MRGPRG: variants seen among roughly 807,000 people sequenced by gnomAD.
MRGPRG encodes mas-related G protein-coupled receptor member G.
For synonymous variants in MRGPRG, 216 were observed against 206.7 expected (o/e 1.05, Z -0.39); for missense variants, 395 against 394.7 (o/e 1.00, Z -0.01).
Position 3,218,343 on chromosome 11 carries a change from C to T in MRGPRG, c.471G>A (p.Pro157=). 1 of 1,456,988 alleles carries T rather than the reference C, an allele frequency of 6.9e-7. No homozygotes were observed. The highest frequency in any genetic ancestry group is 9.0e-7 in the Non-Finnish European group (1 of 1,106,260). The allele number at this position is 1,456,988 out of a possible 1,614,324, so 90.3% of individuals were successfully genotyped here. ...LRNSACPLVC[P]RYHVASVTWF... ...AGGTGACGCTGGCCACGTGGTAGCG[C>T]GGGCAGACCAGGGGGCACGCGCTGT... The change falls in exon 1 of 1, where the codon CCG becomes CCA. Residue 157 remains proline, a synonymous_variant. Coordinates refer to ENST00000332314, the MANE Select transcript of MRGPRG (RefSeq NM_001164377.1).
rs1367747080 is a variant in MRGPRG at position 3,218,095 on chromosome 11, C to G, written c.719G>C (p.Cys240Ser). The change falls in exon 1 of 1, where the codon TGC (cysteine) becomes TCC (serine). Residue 240 changes from cysteine to serine, a missense_variant. Coordinates refer to ENST00000332314, the MANE Select transcript of MRGPRG (RefSeq NM_001164377.1). ...GAGGGGCTTGGAGCTGCTGTTGACG[C>G]AGGCCAGCAGCGTGGCCAGCGGGGA... is the stretch of plus-strand genomic sequence containing the variant. Reference protein sequence around the residue: ...VFSPLATLLACVNSSSKPLIY... With the variant: ...VFSPLATLLASVNSSSKPLIY... 1 of 1,544,940 alleles carries G rather than the reference C, an allele frequency of 6.5e-7. No individual in the cohort carries two copies. The highest frequency in any genetic ancestry group is 2.0e-5 in the Admixed American group (1 of 50,818).
At chr11:3,218,316 C>T in the MRGPRG span, 1 of 1,454,888 alleles carries the variant, frequency 6.9e-7, no homozygotes, top group Non-Finnish European at 9.1e-7. Flanking sequence ...GCACCAGGAA[C>T]CAGGTGACGC....
chr11:3,218,408 C>A lies in MRGPRG; in HGVS notation c.406G>T (p.Ala136Ser). 1 of 1,515,716 alleles carries A rather than the reference C, an allele frequency of 6.6e-7. No individual in the cohort carries two copies. The allele number at this position is 1,515,716 out of a possible 1,614,324, so 93.9% of individuals were successfully genotyped here. ...CALVWTPTLP[A>S]VPLPANACGL... ...CAGGCGTTGGCGGGCAGCGGCACGG[C>A]CGGCAGGGTCGGGGTCCACACCAGG... Residue 136 changes from alanine to serine, a missense_variant, in exon 1 of 1, where the codon GCC becomes TCC. Ala to Ser is a moderately conservative substitution (Grantham distance 99). Transcript: ENST00000332314.
At position 3,218,234 on chromosome 11, in the gene MRGPRG, G is replaced by C; in HGVS notation, c.580C>G (p.Pro194Ala). 6.6e-7 allele frequency: 1 copy of C among 1,505,628 alleles called. No individual in the cohort carries two copies. Among genetic ancestry groups the C allele is most frequent in the East Asian group, 2.5e-5 (1 of 40,324 alleles). 93.3% of individuals were successfully genotyped at this position (1,505,628 alleles called of 1,614,324 possible). A position where few individuals can be genotyped will look rare whatever the true frequency, so the allele number is the denominator to read the frequency against. ...CCCAGGACGATGCCGTAGAGCCTGG[G>C]CCGCGGGCGAGTGGAGCAGCAGGTC... ...WVTCCSTRPR[P>A]RLYGIVLGAL... Residue 194 changes from proline (P) to alanine (A), a missense_variant, in exon 1 of 1, where the codon CCC (proline) becomes GCC (alanine). Physicochemically the swap from Pro to Ala is conservative, Grantham distance 27. Coordinates refer to ENST00000332314, the MANE Select transcript of MRGPRG (RefSeq NM_001164377.1).
rs1847647548 is a variant in MRGPRG, at chr11:3,218,420, G to A, written c.394C>T (p.Pro132Ser). The A allele has an allele frequency of 6.5e-7, 1 of 1,530,276 alleles. No homozygotes were observed. Among genetic ancestry groups the A allele is most frequent in the Admixed American group, 2.0e-5 (1 of 49,772 alleles). 94.8% of individuals were successfully genotyped at this position (1,530,276 alleles called of 1,614,324 possible). A position where few individuals can be genotyped will look rare whatever the true frequency, so the allele number is the denominator to read the frequency against. Residue 132 changes from proline (P) to serine (S), a missense_variant, in exon 1 of 1, where the codon CCG (proline) becomes TCG (serine). Pro to Ser is a moderately conservative substitution (Grantham distance 74). Coordinates refer to ENST00000332314, the MANE Select transcript of MRGPRG (RefSeq NM_001164377.1). The stretch of plus-strand genomic sequence containing the variant: ...GGCAGCGGCACGGCCGGCAGGGTCG[G>A]GGTCCACACCAGGGCGCAGAGGACG... The part of the protein sequence containing the change: ...SAVLCALVWT[P>S]TLPAVPLPAN...
chr11:3,218,598 A>C lies in MRGPRG; in HGVS notation c.216T>G (p.Ala72=). The C allele has an allele frequency of 6.5e-7, 1 of 1,545,836 alleles. No individual in the cohort carries two copies. Among genetic ancestry groups the C allele is most frequent in the Non-Finnish European group, 8.7e-7 (1 of 1,143,838 alleles). Residue 72 remains alanine, a synonymous_variant, in exon 1 of 1, where the codon GCT becomes GCG. Coordinates refer to ENST00000332314, the MANE Select transcript of MRGPRG (RefSeq NM_001164377.1). ...SCRVGFSVAQ[A]ALGAQDTLYF... ...AGAGTGTGTCCTGGGCGCCCAGGGC[A>C]GCCTGAGCCACGGAGAAGCCCACAC...
the MRGPRG span, chr11:3,217,995 CT>C: frequency 6.6e-7 from 1 of 1,522,944 alleles, no homozygotes; most frequent in Non-Finnish European, 8.9e-7. The surrounding 1 kb of genome is among the most constrained non-coding windows in gnomAD (Gnocchi z 6.5). Context: ...GCTCGGCGCC[CT>C]CCCCCAGGGC....
At position 3,218,264 on chromosome 11, in the gene MRGPRG, A is replaced by G; in HGVS notation, c.550T>C (p.Trp184Arg). ...GGGCGAGTGGAGCAGCAGGTCACCC[A>G]GACAAAGAGGACCACGCCAGCCGTC... The part of the protein sequence containing the change: ...AWTAGVVLFV[W>R]VTCCSTRPRP... Residue 184 changes from tryptophan (W) to arginine (R), a missense_variant, in exon 1 of 1, where the codon TGG becomes CGG. By Grantham distance (101) the Trp-to-Arg change is moderately radical. Transcript: ENST00000332314. 1 of 1,477,982 alleles carries G rather than the reference A, an allele frequency of 6.8e-7. No individual in the cohort carries two copies. The highest frequency in any genetic ancestry group is 1.4e-5 in the South Asian group (1 of 72,712). 91.6% of individuals were successfully genotyped at this position (1,477,982 alleles called of 1,614,324 possible).
rs577311788 is a variant in MRGPRG, at chr11:3,218,382, G to A, written c.432C>T (p.Cys144=). 1.6e-4 allele frequency: 232 copies of A among 1,490,390 alleles called. 16 individuals are homozygous for A. The South Asian group carries it at 2.8e-3, about 18-fold the overall frequency. 92.3% of individuals were successfully genotyped at this position (1,490,390 alleles called of 1,614,324 possible). A position where few individuals can be genotyped will look rare whatever the true frequency, so the allele number is the denominator to read the frequency against. ...LPAVPLPANA[C]GLLRNSACPL... ...GGCACGCGCTGTTGCGCAGCAGGCC[G>A]CAGGCGTTGGCGGGCAGCGGCACGG... The change falls in exon 1 of 1, where the codon TGC becomes TGT. Residue 144 remains cysteine, a synonymous_variant. Transcript: ENST00000332314.
Position 3,218,232 on chromosome 11 carries a change from G to A in MRGPRG, c.582C>T (p.Pro194=), listed in dbSNP as rs1461743824. The A allele has an allele frequency of 1.3e-6, 2 of 1,508,008 alleles. No homozygotes were observed. Among genetic ancestry groups the A allele is most frequent in the Non-Finnish European group, 1.8e-6 (2 of 1,122,802 alleles). The allele number at this position is 1,508,008 out of a possible 1,614,324, so 93.4% of individuals were successfully genotyped here. A position where few individuals can be genotyped will look rare whatever the true frequency, so the allele number is the denominator to read the frequency against. Residue 194 remains proline (P), a synonymous_variant, in exon 1 of 1, where the codon CCC becomes CCT. Coordinates refer to ENST00000332314, the MANE Select transcript of MRGPRG (RefSeq NM_001164377.1). ...WVTCCSTRPR[P]RLYGIVLGAL... is the part of the protein sequence containing the mutation. ...CGCCCAGGACGATGCCGTAGAGCCTGGGCCGCGGGCGAGTGGAGCAGCAGG... is the reference window on the plus strand; with the variant it reads ...CGCCCAGGACGATGCCGTAGAGCCTAGGCCGCGGGCGAGTGGAGCAGCAGG...
Position 3,218,224 on chromosome 11 carries a change from T to C in MRGPRG, c.590A>G (p.Tyr197Cys). 1 of 1,520,270 alleles carries C rather than the reference T, an allele frequency of 6.6e-7. No individual in the cohort carries two copies. 94.2% of individuals were successfully genotyped at this position (1,520,270 alleles called of 1,614,324 possible). A position where few individuals can be genotyped will look rare whatever the true frequency, so the allele number is the denominator to read the frequency against. The change falls in exon 1 of 1, where the codon TAC becomes TGC. Residue 197 changes from tyrosine to cysteine, a missense_variant. Physicochemically the swap from Tyr to Cys is radical, Grantham distance 194 (BLOSUM62 -2). Transcript: ENST00000332314. ...GAGCAGCGCGCCCAGGACGATGCCGTAGAGCCTGGGCCGCGGGCGAGTGGA... is the reference window on the plus strand; with the variant it reads ...GAGCAGCGCGCCCAGGACGATGCCGCAGAGCCTGGGCCGCGGGCGAGTGGA... ...CCSTRPRPRL[Y>C]GIVLGALLLL...
chr11:3,218,243 G>T lies in MRGPRG; in HGVS notation c.571C>A (p.Arg191Ser). The T allele has an allele frequency of 6.7e-7, 1 of 1,497,996 alleles. No individual in the cohort carries two copies. Among genetic ancestry groups the T allele is most frequent in the Non-Finnish European group, 8.9e-7 (1 of 1,118,108 alleles). The allele number at this position is 1,497,996 out of a possible 1,614,324, so 92.8% of individuals were successfully genotyped here. Residue 191 changes from arginine (R) to serine (S), a missense_variant, in exon 1 of 1, where the codon CGC becomes AGC. By Grantham distance (110) the Arg-to-Ser change is moderately radical. Transcript: ENST00000332314. ...ATGCCGTAGAGCCTGGGCCGCGGGC[G>T]AGTGGAGCAGCAGGTCACCCAGACA... Reference protein sequence around the residue: ...LFVWVTCCSTRPRPRLYGIVL... With the variant: ...LFVWVTCCSTSPRPRLYGIVL...
rs928571104 is a variant in MRGPRG at position 3,218,267 on chromosome 11, C to A, written c.547G>T (p.Val183Phe). 2.4e-5 allele frequency: 36 copies of A among 1,474,626 alleles called. 1 individual carries two copies. The highest frequency in any genetic ancestry group is 2.8e-5 in the Non-Finnish European group (31 of 1,109,434). The allele number at this position is 1,474,626 out of a possible 1,614,324, so 91.3% of individuals were successfully genotyped here. ...VAWTAGVVLF[V>F]WVTCCSTRPR... is the part of the protein sequence containing the mutation. ...CGAGTGGAGCAGCAGGTCACCCAGA[C>A]AAAGAGGACCACGCCAGCCGTCCAG... is the stretch of plus-strand genomic sequence containing the variant. The change falls in exon 1 of 1, where the codon GTC becomes TTC. Residue 183 changes from valine (V) to phenylalanine (F), a missense_variant. Coordinates refer to ENST00000332314, the MANE Select transcript of MRGPRG (RefSeq NM_001164377.1).
rs1356418594 is a variant in MRGPRG, at chr11:3,218,187, G to A, written c.627C>T (p.Phe209=). 2 of 1,541,790 alleles carry A rather than the reference G, an allele frequency of 1.3e-6. No homozygotes were observed. The highest frequency in any genetic ancestry group is 2.0e-5 in the Admixed American group (1 of 50,584). The change falls in exon 1 of 1, where the codon TTC becomes TTT. Residue 209 remains phenylalanine (F), a synonymous_variant. Coordinates refer to ENST00000332314, the MANE Select transcript of MRGPRG (RefSeq NM_001164377.1). ...IVLGALLLLF[F]CGLPSVFYWS... ...AGTAGAAGACCGAGGGCAGGCCACA[G>A]AAGAAGAGCAGGAGCAGCGCGCCCA... is the stretch of plus-strand genomic sequence containing the variant.
At position 3,218,559 on chromosome 11, in the gene MRGPRG, G is replaced by C; in HGVS notation, c.255C>G (p.Thr85=). 3.2e-6 allele frequency: 5 copies of C among 1,545,688 alleles called. 2 individuals carry two copies. In the South Asian group the frequency reaches 6.0e-5, roughly 19 times the overall value. The change falls in exon 1 of 1, where the codon ACC becomes ACG. Residue 85 remains threonine, a synonymous_variant. Transcript: ENST00000332314. ...GAQDTLYFVL[T]FLWFAVGLWL... The stretch of plus-strand genomic sequence containing the variant: ...AGAGCCCCACCGCGAACCACAGGAA[G>C]GTGAGCACGAAGTAGAGTGTGTCCT...
At position 3,218,681 on chromosome 11, in the gene MRGPRG, G is replaced by T. The variant is rs1344985121; in HGVS notation, c.133C>A (p.Pro45Thr). 2 of 1,546,216 alleles carry T rather than the reference G, an allele frequency of 1.3e-6. No homozygotes were observed. The highest frequency in any genetic ancestry group is 2.0e-5 in the Admixed American group (1 of 50,832). The change falls in exon 1 of 1, where the codon CCC becomes ACC. Residue 45 changes from proline (P) to threonine (T), a missense_variant. Physicochemically the swap from Pro to Thr is conservative, Grantham distance 38 (BLOSUM62 -1). Coordinates refer to ENST00000332314, the MANE Select transcript of MRGPRG (RefSeq NM_001164377.1). The part of the protein sequence containing the change: ...WNLGFRIKKG[P>T]FSIYLLHLAA... Reference sequence around the variant, plus strand: ...AGGTGCAGCAGGTAGATGGAGAAGGGGCCCTTCTTGATGCGGAAGCCGAGG... The same window carrying T: ...AGGTGCAGCAGGTAGATGGAGAAGGTGCCCTTCTTGATGCGGAAGCCGAGG...
Position 3,217,955 on chromosome 11 carries a change from C to A in MRGPRG, c.859G>T (p.Gly287Cys). 1 of 1,490,008 alleles carries A rather than the reference C, an allele frequency of 6.7e-7. No individual in the cohort carries two copies. Among genetic ancestry groups the A allele is most frequent in the Non-Finnish European group, 9.0e-7 (1 of 1,112,434 alleles). 92.3% of individuals were successfully genotyped at this position (1,490,008 alleles called of 1,614,324 possible). A position where few individuals can be genotyped will look rare whatever the true frequency, so the allele number is the denominator to read the frequency against. ...LGARGQSLPM[G>C]LL Reference sequence around the variant, plus strand: ...CGGGGCAAGCCCACTTATAGGAGACCCATGGGCAGGGACTGTCCCCTGGCA... The same window carrying A: ...CGGGGCAAGCCCACTTATAGGAGACACATGGGCAGGGACTGTCCCCTGGCA... Residue 287 changes from glycine (G) to cysteine (C), a missense_variant, in exon 1 of 1, where the codon GGT becomes TGT. Coordinates refer to ENST00000332314, the MANE Select transcript of MRGPRG (RefSeq NM_001164377.1). The surrounding 1 kb of genome is among the most constrained non-coding windows in gnomAD (Gnocchi z 6.5).
Position 3,218,665 on chromosome 11 carries a change from A to G in MRGPRG, c.149T>C (p.Leu50Pro), listed in dbSNP as rs1177085067. ...RIKKGPFSIY[L>P]LHLAAADFLF... ...GAAGTCGGCGGCGGCCAGGTGCAGC[A>G]GGTAGATGGAGAAGGGGCCCTTCTT... The change falls in exon 1 of 1, where the codon CTG becomes CCG. Residue 50 changes from leucine to proline, a missense_variant. Leu to Pro is a moderately conservative substitution (Grantham distance 98). Coordinates refer to ENST00000332314, the MANE Select transcript of MRGPRG (RefSeq NM_001164377.1). 5.2e-6 allele frequency: 8 copies of G among 1,546,218 alleles called. No homozygotes were observed. Among genetic ancestry groups the G allele is most frequent in the South Asian group, 1.2e-5 (1 of 83,504 alleles).
At position 3,218,682 on chromosome 11, in the gene MRGPRG, G is replaced by T. The variant is rs1401204074; in HGVS notation, c.132C>A (p.Gly44=). Residue 44 remains glycine, a synonymous_variant, in exon 1 of 1, where the codon GGC becomes GGA. Transcript: ENST00000332314. ...LWNLGFRIKK[G]PFSIYLLHLA... Reference sequence around the variant, plus strand: ...GGTGCAGCAGGTAGATGGAGAAGGGGCCCTTCTTGATGCGGAAGCCGAGGT... The same window carrying T: ...GGTGCAGCAGGTAGATGGAGAAGGGTCCCTTCTTGATGCGGAAGCCGAGGT... 6.5e-7 allele frequency: 1 copy of T among 1,546,028 alleles called. No individual in the cohort carries two copies. The highest frequency in any genetic ancestry group is 8.7e-7 in the Non-Finnish European group (1 of 1,143,840).
Sources: gnomAD v4.1 joint callset for allele counts on GRCh38, gnomAD v4.1.1 for gene constraint, Gnocchi (gnomAD v3.1) non-coding constraint, MANE v1.5 for transcripts, NCBI Gene and HGNC (gene_info 2026-07-23, HGNC 2026-07-21) for gene names.